The following CYP7B1 variants were observed in gnomAD, a reference collection of about 807,000 sequenced individuals.
CYP7B1 encodes cytochrome P450 family 7 subfamily B member 1, also known as cytochrome P450 7B1.
A neutral mutation model predicts 42.7 loss-of-function variants in CYP7B1; 29 were observed. That is an observed-to-expected ratio of 0.68 (90% confidence interval 0.51 to 0.93). The LOEUF is 0.93. Ranked by LOEUF, CYP7B1 falls within the 40% of genes least tolerant of loss-of-function variation. The pLI, the probability that CYP7B1 is intolerant of heterozygous loss-of-function variation, is 0.00. For synonymous variants in CYP7B1, 235 were observed against 218.2 expected (o/e 1.08, Z -0.68); for missense variants, 655 against 600.5 (o/e 1.09, Z -0.95).
intron 1 of CYP7B1, among the ~76,000 whole-genome samples, chr8:64,660,615 A>T (rs1806186964): frequency 6.6e-6 from 1 of 152,210 alleles, no homozygotes; most frequent in Admixed American, 6.5e-5. Context: ...ACAGAGCAAG[A>T]GTGAGCAAGT....
At chr8:64,765,803 G>A (rs985551943) in intron 1 of CYP7B1, among the ~76,000 whole-genome samples, 15 of 152,086 alleles carry the variant, frequency 9.9e-5, no homozygotes, top group Admixed American at 2.0e-4. Flanking sequence ...CCCCTAAGAT[G>A]TATTCTGGAG....
At chr8:64,658,816 T>G (rs1806159595) in intron 1 of CYP7B1, among the ~76,000 whole-genome samples, 1 of 152,188 alleles carries the variant, frequency 6.6e-6, no homozygotes, top group African/African-American at 2.4e-5. Context: ...ACTTCCAGCA[T>G]TATCAGTTTT....
intron 1 of CYP7B1, among the ~76,000 whole-genome samples, chr8:64,663,550 C>A (rs897689930): frequency 1.3e-5 from 2 of 152,184 alleles, no homozygotes; most frequent in Admixed American, 1.3e-4. Flanking sequence ...CTATCATTTT[C>A]TAAAAGATGC....
intron 1 of CYP7B1, among the ~76,000 whole-genome samples, chr8:64,743,253 A>G (rs1807595582): frequency 6.6e-6 from 1 of 152,182 alleles, no homozygotes; most frequent in African/African-American, 2.4e-5. Context: ...TATTAAAAGA[A>G]AAAAGGGATG....
chr8:64,692,521 G>A (rs900837881), intron 1 of CYP7B1, among the ~76,000 whole-genome samples: 2 of 152,190 alleles, frequency 1.3e-5, no homozygotes, highest in Non-Finnish European at 2.9e-5. Context: ...TAGAGAAGTG[G>A]AGAGAGAACA....
chr8:64,750,677 G>A (rs1807713348), intron 1 of CYP7B1, among the ~76,000 whole-genome samples: 1 of 152,050 alleles, frequency 6.6e-6, no homozygotes, highest in African/African-American at 2.4e-5. Context: ...GTTATCAAGG[G>A]GAAATGTGAA....
chr8:64,783,284 T>C (rs1356854250), intron 1 of CYP7B1, among the ~76,000 whole-genome samples: 2 of 152,150 alleles, frequency 1.3e-5, no homozygotes, highest in African/African-American at 4.8e-5. Context: ...TGCTTGAGAG[T>C]AATTAAGTAA....
chr8:64,681,439 C>A (rs11998077), intron 1 of CYP7B1, among the ~76,000 whole-genome samples: 73,737 of 152,042 alleles, frequency 0.48, 19,274 homozygotes, highest in Non-Finnish European at 0.57. Context: ...ATATTCACAC[C>A]CTGTGCAGTT....
At chr8:64,707,865 T>C (rs1218958860) in intron 1 of CYP7B1, among the ~76,000 whole-genome samples, 2 of 152,136 alleles carry the variant, frequency 1.3e-5, no homozygotes, top group Non-Finnish European at 2.9e-5. Flanking sequence ...ACTATCAAAG[T>C]ATACTCTCTG....
chr8:64,645,928 A>AG (rs1231048480), intron 1 of CYP7B1, among the ~76,000 whole-genome samples: 1 of 152,194 alleles, frequency 6.6e-6, no homozygotes, highest in Non-Finnish European at 1.5e-5. Context: ...GACAAACCTG[A>AG]GGAAAAAAAA....
chr8:64,667,964 T>C (rs1380748896), intron 1 of CYP7B1, among the ~76,000 whole-genome samples: 1 of 152,196 alleles, frequency 6.6e-6, no homozygotes, highest in East Asian at 1.9e-4. Context: ...CCTATCAAAT[T>C]CTCTGTACAA....
chr8:64,656,048 T>G (rs186203777), intron 1 of CYP7B1, among the ~76,000 whole-genome samples: 14,735 of 152,014 alleles, frequency 0.097, 837 homozygotes, highest in South Asian at 0.16. Flanking sequence ...GCAGAAAAGG[T>G]AACTATTGGG....
chr8:64,714,780 AT>A (rs34802379), intron 1 of CYP7B1, among the ~76,000 whole-genome samples: 2 of 151,824 alleles, frequency 1.3e-5, no homozygotes, highest in South Asian at 2.1e-4. Flanking sequence ...TGATGGTGAG[AT>A]TTTTTTTTAA....
chr8:64,782,849 C>T (rs1804452563), intron 1 of CYP7B1, among the ~76,000 whole-genome samples: 1 of 152,088 alleles, frequency 6.6e-6, no homozygotes, highest in South Asian at 2.1e-4. Context: ...ATTTTAGGGT[C>T]ATCATGTTTT....
At chr8:64,779,198 TAAG>T (rs1483576081) in intron 1 of CYP7B1, among the ~76,000 whole-genome samples, 4 of 149,694 alleles carry the variant, frequency 2.7e-5, no homozygotes, top group African/African-American at 9.7e-5. Context: ...GGAAAAAACT[TAAG>T]AAGTTAAGTT....
rs138770887 is a variant in CYP7B1 at position 64,618,400 on chromosome 8, T to A, written c.260-2119A>T. ...AAACACACAATATTTAGAGAATATT[T>A]TGAATTTTTTCCTACAATTTTCTAT... is the stretch of plus-strand genomic sequence containing the variant. On this transcript the variant is annotated intron_variant, in intron 2 of 5. Transcript: ENST00000310193. Among the ~76,000 whole-genome samples, 599 of 152,206 alleles carry A rather than the reference T, an allele frequency of 3.9e-3. 6 individuals are homozygous for A. Among genetic ancestry groups the A allele is most frequent in the African/African-American group, 0.014 (578 of 41,528 alleles).
rs1041206639 is a variant in CYP7B1 at position 64,591,907 on chromosome 8, G to T, written c.*4735C>A. Among the ~76,000 whole-genome samples, 11 of 152,056 alleles carry T rather than the reference G, an allele frequency of 7.2e-5. No homozygotes were observed. The highest frequency in any genetic ancestry group is 2.7e-4 in the African/African-American group (11 of 41,382). On this transcript the variant is annotated 3_prime_UTR_variant, in exon 6 of 6. Transcript: ENST00000310193. ...GAAGCTATAAAAATGAAAAGATGGG[G>T]GCGGGCACGGTGGCTCATGTCTGCA...
intron 1 of CYP7B1, among the ~76,000 whole-genome samples, chr8:64,744,132 T>C (rs1807608834): frequency 6.6e-6 from 1 of 152,200 alleles, no homozygotes; most frequent in Non-Finnish European, 1.5e-5. Context: ...AAATTATGAT[T>C]GGATTTATTC....
At chr8:64,643,174 T>TATATAC (rs1805891957) in intron 1 of CYP7B1, among the ~76,000 whole-genome samples, 13 of 93,998 alleles carry the variant, frequency 1.4e-4, no homozygotes, top group African/African-American at 1.6e-4. Context: ...CATATATACA[T>TATATAC]ATATATACAT....
Sources: gnomAD v4.1 joint callset for allele counts (sites outside exome capture counted in the v4.1 genomes callset) on GRCh38, gnomAD v4.1.1 for gene constraint, MANE v1.5 for transcripts, NCBI Gene and HGNC (gene_info 2026-07-23, HGNC 2026-07-21) for gene names.